The following PCDH15 variants were observed in gnomAD, a reference collection of about 807,000 sequenced individuals.
The protein encoded by PCDH15 is protocadherin related 15, also known as protocadherin-15.
In PCDH15, 129 loss-of-function variants were observed where a neutral mutation model predicts 178.5. The observed-to-expected ratio is 0.72, with a 90% CI of 0.63 to 0.84. The LOEUF is 0.84. Ranked by LOEUF, PCDH15 falls within the 40% of genes least tolerant of loss-of-function variation. The pLI is 0.00. For missense variants in PCDH15, 2,230 were observed against 2,099.9 expected, an observed-to-expected ratio of 1.06 and a Z score of -1.21; for synonymous variants, 800 against 732.0, an observed-to-expected ratio of 1.09 and a Z score of -1.50.
intron 3 of PCDH15, among the ~76,000 whole-genome samples, chr10:54,828,146 A>G (rs1953161169): frequency 6.6e-6 from 1 of 152,018 alleles, no homozygotes; most frequent in Non-Finnish European, 1.5e-5. Context: ...TGTTTTGGAT[A>G]TAATTTCAGT....
At chr10:55,419,901 T>G (rs1838578497) in intron 2 of PCDH15, among the ~76,000 whole-genome samples, 1 of 151,732 alleles carries the variant, frequency 6.6e-6, no homozygotes, top group Non-Finnish European at 1.5e-5. Context: ...AGATGAAACA[T>G]GCTTCAATCT....
intron 2 of PCDH15, among the ~76,000 whole-genome samples, chr10:55,506,682 G>A (rs892299535): frequency 6.6e-6 from 1 of 151,466 alleles, no homozygotes; most frequent in Non-Finnish European, 1.5e-5. Flanking sequence ...CCGGGAGAGT[G>A]TATAATTTAT....
chr10:55,170,138 GT>G (rs936976268), intron 1 of PCDH15, among the ~76,000 whole-genome samples: 3 of 151,870 alleles, frequency 2.0e-5, no homozygotes, highest in African/African-American at 7.3e-5. Context: ...GTTGATGTGG[GT>G]TTTGTTTTAT....
intron 13 of PCDH15, among the ~76,000 whole-genome samples, chr10:54,175,332 G>A (rs2047335144): frequency 6.6e-6 from 1 of 152,090 alleles, no homozygotes; most frequent in Non-Finnish European, 1.5e-5. Context: ...TTGAATATTT[G>A]AAATTACAAA....
intron 2 of PCDH15, among the ~76,000 whole-genome samples, chr10:55,576,792 T>C (rs1486036595): frequency 6.6e-6 from 1 of 152,064 alleles, no homozygotes; most frequent in Non-Finnish European, 1.5e-5. Context: ...GCAATAATAT[T>C]TACCTGTTTA....
At chr10:55,181,341 A>G (rs528175579) in intron 1 of PCDH15, among the ~76,000 whole-genome samples, 7 of 152,146 alleles carry the variant, frequency 4.6e-5, no homozygotes, top group African/African-American at 1.7e-4. Flanking sequence ...ATGGGTTACC[A>G]AAGTAATGAG....
At chr10:54,965,582 T>C (rs568377704) in intron 2 of PCDH15, among the ~76,000 whole-genome samples, 1 of 145,666 alleles carries the variant, frequency 6.9e-6, no homozygotes, top group African/African-American at 2.5e-5. Context: ...CTAATATGCA[T>C]AGTATGGTTT....
chr10:54,195,525 T>C (rs559619888), intron 11 of PCDH15, among the ~76,000 whole-genome samples, 158 bp downstream of exon 11: 1 of 152,340 alleles, frequency 6.6e-6, no homozygotes, highest in South Asian at 2.1e-4. Flanking sequence ...CTTTTTAAAA[T>C]ATCCTTGTTT....
chr10:54,132,993 G>C lies in PCDH15; in HGVS notation c.1799C>G (p.Thr600Ser), dbSNP rs1371226970. 6.2e-7 allele frequency: 1 copy of C among 1,614,048 alleles called. No homozygotes were observed. The highest frequency in any genetic ancestry group is 8.5e-7 in the Non-Finnish European group (1 of 1,179,962). ...PPAERRNSICTVYIEVLPPNN... is the reference protein window; with the variant it reads ...PPAERRNSICSVYIEVLPPNN... ...TGGTGGAAGCACTTCAATATACACA[G>C]TGCAGATGGAGTTCCTGCAGAGAAA... Residue 600 changes from threonine to serine, a missense_variant, in exon 15 of 38, where the codon ACT (threonine) becomes AGT (serine). By Grantham distance (58) the Thr-to-Ser change is moderately conservative (BLOSUM62 1). Transcript: ENST00000644397.
intron 1 of PCDH15, among the ~76,000 whole-genome samples, chr10:54,716,192 G>A (rs1260953157): frequency 6.6e-6 from 1 of 152,122 alleles, no homozygotes; most frequent in African/African-American, 2.4e-5. Context: ...CTTTCCTAAG[G>A]AGGAAGGTGA....
chr10:55,080,994 G>T (rs1228292573), intron 2 of PCDH15, among the ~76,000 whole-genome samples: 2 of 152,154 alleles, frequency 1.3e-5, no homozygotes, highest in Non-Finnish European at 2.9e-5. Flanking sequence ...GCTGCTGGGG[G>T]TGGGGTCACT....
chr10:54,913,968 G>A (rs550438706), intron 2 of PCDH15, among the ~76,000 whole-genome samples: 1 of 152,232 alleles, frequency 6.6e-6, no homozygotes, highest in South Asian at 2.1e-4. Context: ...TGATTATACA[G>A]GCTCACAGGC....
intron 3 of PCDH15, among the ~76,000 whole-genome samples, chr10:54,509,005 A>G (rs951254194): frequency 3.6e-4 from 54 of 152,112 alleles, no homozygotes; most frequent in Admixed American, 3.5e-3. Context: ...ATTTTGTGAT[A>G]TTTTTACATG....
intron 1 of PCDH15, among the ~76,000 whole-genome samples, chr10:54,771,852 A>G (rs1410547587): frequency 6.6e-6 from 1 of 152,162 alleles, no homozygotes; most frequent in Non-Finnish European, 1.5e-5. Context: ...CAGTATCACT[A>G]TCTGAATATA....
chr10:55,464,433 G>T (rs1839784919), intron 2 of PCDH15, among the ~76,000 whole-genome samples: 1 of 151,846 alleles, frequency 6.6e-6, no homozygotes, highest in South Asian at 2.1e-4. Context: ...AAGAAGATAG[G>T]TTCCCCAGAG....
At chr10:54,007,490 T>A (rs1383438620) in intron 20 of PCDH15, among the ~76,000 whole-genome samples, 1 of 152,080 alleles carries the variant, frequency 6.6e-6, no homozygotes, top group Non-Finnish European at 1.5e-5. Context: ...CAAGTAAATA[T>A]CTTGTATATA....
At chr10:54,401,124 A>C (rs1951882553) in intron 3 of PCDH15, among the ~76,000 whole-genome samples, 1 of 152,002 alleles carries the variant, frequency 6.6e-6, no homozygotes, top group African/African-American at 2.4e-5. Flanking sequence ...TTTGCTCTTC[A>C]GAGATAGTGC....
chr10:54,045,321 G>T (rs1228861204), intron 18 of PCDH15, among the ~76,000 whole-genome samples: 1 of 152,114 alleles, frequency 6.6e-6, no homozygotes, highest in Non-Finnish European at 1.5e-5. Context: ...TGTTTTCACT[G>T]AGATGACATA....
intron 15 of PCDH15, among the ~76,000 whole-genome samples, chr10:54,097,395 C>G (rs2094720067): frequency 6.6e-6 from 1 of 152,124 alleles, no homozygotes; most frequent in African/African-American, 2.4e-5. Flanking sequence ...ACCTGAAATA[C>G]TTTTCCTCAG....
Sources: gnomAD v4.1 joint callset for allele counts (sites outside exome capture counted in the v4.1 genomes callset) on GRCh38, gnomAD v4.1.1 for gene constraint, MANE v1.5 for transcripts, NCBI Gene and HGNC (gene_info 2026-07-23, HGNC 2026-07-21) for gene names.